The following SPATA2 variants were observed in gnomAD, a reference collection of about 807,000 sequenced individuals.
SPATA2 encodes spermatogenesis-associated protein 2.
Under a neutral mutation model 35.4 loss-of-function variants are expected in SPATA2, and 8 were observed. That is an observed-to-expected ratio of 0.23 (90% CI 0.13 to 0.41). The LOEUF (loss-of-function observed/expected upper bound fraction) is 0.41, where lower values mean the gene tolerates loss of function less well. Ranked by LOEUF, SPATA2 falls within the 10% of genes least tolerant of loss-of-function variation. The pLI, the probability that SPATA2 is intolerant of heterozygous loss-of-function variation, is 1.00. For synonymous variants in SPATA2, 293 were observed against 300.9 expected, an observed-to-expected ratio of 0.97 and a Z score of 0.27; for missense variants, 650 against 698.7, an observed-to-expected ratio of 0.93 and a Z score of 0.79.
In SPATA2 at chr20:49,905,439, G is replaced by T. The variant is rs1204021020; in HGVS notation, c.*180C>A. 4 of 627,878 alleles carry T rather than the reference G, an allele frequency of 6.4e-6. No individual in the cohort carries two copies. The highest frequency in any genetic ancestry group is 1.1e-5 in the Non-Finnish European group (4 of 360,284). 38.9% of individuals were successfully genotyped at this position (627,878 alleles called of 1,614,324 possible). ...TTGTCAGACAACAAAGCAGCCATTG[G>T]TTGAGATATCTGAGTCGCTAAGTGA... On this transcript the variant is annotated 3_prime_UTR_variant, in exon 3 of 3. Transcript: ENST00000289431.
At chr20:49,913,241 T>C (rs1187252157) in intron 1 of SPATA2, among the ~76,000 whole-genome samples, 1 of 152,242 alleles carries the variant, frequency 6.6e-6, no homozygotes. Flanking sequence ...AAACAGGCTC[T>C]TCCCATTAAA....
Position 49,904,675 on chromosome 20 carries a change from C to T in SPATA2, c.*944G>A, listed in dbSNP as rs2090129739. ...AAGAAAAGGAGGCTTCATGTCTGTT[C>T]CTCCCTGCCCCAAACTCTCCTCTCC... On this transcript the variant is annotated 3_prime_UTR_variant, in exon 3 of 3. Transcript: ENST00000289431. 2 of 152,646 alleles carry T rather than the reference C, an allele frequency of 1.3e-5. No individual in the cohort carries two copies. Among genetic ancestry groups the T allele is most frequent in the African/African-American group, 4.8e-5 (2 of 41,440 alleles). The allele number at this position is 152,646 out of a possible 1,614,324, so 9.5% of individuals were successfully genotyped here.
Position 49,908,583 on chromosome 20 carries a change from G to T in SPATA2, c.-93C>A. On this transcript the variant is annotated 5_prime_UTR_variant, in exon 2 of 3. In the 5' UTR this introduces an upstream ATG that the reference lacks. Transcript: ENST00000289431. The stretch of plus-strand genomic sequence containing the variant: ...CATGGACATGTTGCCGCCTGGACCA[G>T]CGGAGTGCTCTGGAAGGAGGGGAAC... The T allele has an allele frequency of 9.5e-7, 1 of 1,047,494 alleles. No individual in the cohort carries two copies. The highest frequency in any genetic ancestry group is 1.4e-6 in the Non-Finnish European group (1 of 720,072). The allele number at this position is 1,047,494 out of a possible 1,614,324, so 64.9% of individuals were successfully genotyped here. A position where few individuals can be genotyped will look rare whatever the true frequency, so the allele number is the denominator to read the frequency against.
chr20:49,911,871 C>T (rs557330551), intron 1 of SPATA2, among the ~76,000 whole-genome samples: 3 of 152,168 alleles, frequency 2.0e-5, no homozygotes, highest in African/African-American at 2.4e-5. Flanking sequence ...ATGATGGACC[C>T]GATAATCCAA....
chr20:49,910,199 G>A (rs950435549), intron 1 of SPATA2, among the ~76,000 whole-genome samples: 3 of 152,204 alleles, frequency 2.0e-5, no homozygotes, highest in African/African-American at 7.2e-5. Context: ...CCAAGGCCAG[G>A]CACCTGCGAG....
At chr20:49,909,099 T>C (rs1396781385) in intron 1 of SPATA2, among the ~76,000 whole-genome samples, 2 of 152,166 alleles carry the variant, frequency 1.3e-5, no homozygotes, top group African/African-American at 2.4e-5. Flanking sequence ...CTCAGCTCAC[T>C]GCAACCTCCG....
intron 1 of SPATA2, among the ~76,000 whole-genome samples, chr20:49,912,770 C>G (rs2090188354): frequency 6.6e-6 from 1 of 152,020 alleles, no homozygotes; most frequent in Non-Finnish European, 1.5e-5. Context: ...GGAAAGGGAT[C>G]CAAACAGCCC....
At chr20:49,914,260 T>TTA (rs2146838358) in intron 1 of SPATA2, among the ~76,000 whole-genome samples, 1 of 152,230 alleles carries the variant, frequency 6.6e-6, no homozygotes, top group Non-Finnish European at 1.5e-5. Flanking sequence ...CTGTATCTGT[T>TTA]TAGAGTCCCA....
rs2090147531 is a variant in SPATA2 at position 49,906,707 on chromosome 20, C to T, written c.475G>A (p.Val159Met). The T allele has an allele frequency of 6.2e-7, 1 of 1,614,262 alleles. No homozygotes were observed. The highest frequency in any genetic ancestry group is 8.5e-7 in the Non-Finnish European group (1 of 1,180,046). ...KLRELVETLQ[V>M]KMVSFELFLA... The stretch of plus-strand genomic sequence containing the variant: ...AAGAGCTCAAAGGAGACCATCTTCA[C>T]CTGGAGGGTCTCCACGAGCTCTCTG... The change falls in exon 3 of 3, where the codon GTG becomes ATG. Residue 159 changes from valine to methionine, a missense_variant. Val to Met is a conservative substitution (Grantham distance 21). Transcript: ENST00000289431. This position sits in a 1 kb window ranked among gnomAD's most constrained non-coding sequence, Gnocchi z 8.2.
At chr20:49,914,509 C>A (rs1459815991) in intron 1 of SPATA2, among the ~76,000 whole-genome samples, 1 of 152,150 alleles carries the variant, frequency 6.6e-6, no homozygotes, top group East Asian at 1.9e-4. Context: ...CCTCCCCACC[C>A]ACACCAATGC....
rs143941895 is a variant in SPATA2, at chr20:49,906,122, G to C, written c.1060C>G (p.Arg354Gly). Residue 354 changes from arginine (R) to glycine (G), a missense_variant, in exon 3 of 3, where the codon CGG (arginine) becomes GGG (glycine). Physicochemically the swap from Arg to Gly is moderately radical, Grantham distance 125 (BLOSUM62 -2). Transcript: ENST00000289431. The surrounding 1 kb of genome is among the most constrained non-coding windows in gnomAD (Gnocchi z 8.2). ...RATYRRQDAL[R>G]PDVWLLRNDA... The stretch of plus-strand genomic sequence containing the variant: ...TTTCTGAGCAGCCACACATCCGGCC[G>C]CAGAGCATCCTGCCGACGGTAGGTG... The C allele has an allele frequency of 6.2e-7, 1 of 1,612,022 alleles. No homozygotes were observed. The highest frequency in any genetic ancestry group is 1.3e-5 in the African/African-American group (1 of 74,894).
Position 49,906,094 on chromosome 20 carries a change from T to A in SPATA2, c.1088A>T (p.Asp363Val). 4.3e-6 allele frequency: 7 copies of A among 1,610,980 alleles called. No homozygotes were observed. Among genetic ancestry groups the A allele is most frequent in the Non-Finnish European group, 5.9e-6 (7 of 1,179,730 alleles). ...LRPDVWLLRN[D>V]AHSLYHKRSP... ...GCGCTTGTGGTAGAGGGAGTGGGCA[T>A]CGTTTCTGAGCAGCCACACATCCGG... is the stretch of plus-strand genomic sequence containing the variant. The change falls in exon 3 of 3, where the codon GAT becomes GTT. Residue 363 changes from aspartate to valine, a missense_variant. Transcript: ENST00000289431. This position sits in a 1 kb window ranked among gnomAD's most constrained non-coding sequence, Gnocchi z 8.2.
At position 49,906,011 on chromosome 20, in the gene SPATA2, T is replaced by C. The variant is rs1286489126; in HGVS notation, c.1171A>G (p.Ser391Gly). The C allele has an allele frequency of 5.6e-6, 9 of 1,606,124 alleles. No individual in the cohort carries two copies. In the East Asian group the frequency reaches 1.8e-4, roughly 32 times the overall value. The change falls in exon 3 of 3, where the codon AGC (serine) becomes GGC (glycine). Residue 391 changes from serine to glycine, a missense_variant. Ser to Gly is a moderately conservative substitution (Grantham distance 56). Transcript: ENST00000289431. The surrounding 1 kb of genome is among the most constrained non-coding windows in gnomAD (Gnocchi z 8.2). Reference protein sequence around the residue: ...SKCQSCGLSCSSSLCQRCDSL... With the variant: ...SKCQSCGLSCGSSLCQRCDSL... ...TCACAGCGCTGGCAGAGGGAGGAGC[T>C]GCAGGACAGCCCGCAGCTTTGGCAC...
In SPATA2 at chr20:49,905,826, G is replaced by C; in HGVS notation, c.1356C>G (p.Pro452=). The C allele has an allele frequency of 1.9e-6, 3 of 1,614,212 alleles. No individual in the cohort carries two copies. The highest frequency in any genetic ancestry group is 2.5e-6 in the Non-Finnish European group (3 of 1,180,028). ...CACAGCGGGAAGTGGGCGTGGTGGA[G>C]GGCTTGGATTTGGAGTGAAGGTGCG... ...RLPHLHSKSK[P]STTPTSRCGF... The change falls in exon 3 of 3, where the codon CCC becomes CCG. Residue 452 remains proline (P), a synonymous_variant. Coordinates refer to ENST00000289431, the MANE Select transcript of SPATA2 (RefSeq NM_006038.4).
rs1431587837 is a variant in SPATA2 at position 49,903,902 on chromosome 20, G to GATAGAT, written c.*1716_*1717insATCTAT. On this transcript the variant is annotated 3_prime_UTR_variant, in exon 3 of 3. Coordinates refer to ENST00000289431, the MANE Select transcript of SPATA2 (RefSeq NM_006038.4). ...ACATCTACATGTGATCTACCAGATA[G>GATAGAT]ATATATATATATATATATATATATA... 26 of 96,910 alleles carry GATAGAT rather than the reference G, an allele frequency of 2.7e-4. No homozygotes were observed. The highest frequency in any genetic ancestry group is 2.8e-4 in the Non-Finnish European group (14 of 49,684). The allele number at this position is 96,910 out of a possible 1,614,324, so 6.0% of individuals were successfully genotyped here.
chr20:49,908,230 G>A lies in SPATA2; in HGVS notation c.261C>T (p.Gly87=), dbSNP rs767688235. ...LSSSSLRALH[G]AFSMLETVGI... is the part of the protein sequence containing the mutation. ...CCACCGTCTCCAGCATGCTGAAGGC[G>A]CCGTGCAGAGCCCGCAGGCTAGAGG... Residue 87 remains glycine, a synonymous_variant, in exon 2 of 3, where the codon GGC becomes GGT. Coordinates refer to ENST00000289431, the MANE Select transcript of SPATA2 (RefSeq NM_006038.4). The A allele has an allele frequency of 7.1e-5, 114 of 1,614,044 alleles. No homozygotes were observed. Among genetic ancestry groups the A allele is most frequent in the Middle Eastern group, 3.4e-4 (2 of 5,958 alleles).
At chr20:49,908,741 C>A in intron 1 of SPATA2, 149 bp from the exon 2 acceptor site, 1 of 492,678 alleles carries the variant, frequency 2.0e-6, no homozygotes, top group East Asian at 3.2e-5. Context: ...AGCAGGGTTA[C>A]AACAGAGGCC....
chr20:49,912,864 G>A (rs6095707), intron 1 of SPATA2, among the ~76,000 whole-genome samples: 1 of 151,242 alleles, frequency 6.6e-6, no homozygotes, highest in African/African-American at 2.4e-5. Flanking sequence ...TGAGGGAAAA[G>A]GCGGAAGAAA....
chr20:49,914,840 C>T (rs73613340), intron 1 of SPATA2, among the ~76,000 whole-genome samples: 1 of 152,202 alleles, frequency 6.6e-6, no homozygotes, highest in African/African-American at 2.4e-5. Context: ...TCTGGCCCCC[C>T]CTACGGCTTC....
Sources: allele counts gnomAD v4.1 joint callset (sites outside exome capture counted in the v4.1 genomes callset), GRCh38; gene constraint gnomAD v4.1.1; non-coding constraint Gnocchi (gnomAD v3.1); transcripts MANE v1.5; gene names NCBI Gene and HGNC (gene_info 2026-07-23, HGNC 2026-07-21).